Variants in TENM4 observed in about 807,000 individuals in gnomAD.
The protein encoded by TENM4 is teneurin transmembrane protein 4.
A neutral mutation model predicts 243.3 loss-of-function variants in TENM4; 82 were observed. That is an observed-to-expected ratio of 0.34 (90% CI 0.28 to 0.40). The LOEUF (loss-of-function observed/expected upper bound fraction) is 0.40, where lower values mean the gene tolerates loss of function less well. Ranked by LOEUF, TENM4 falls within the 10% of genes least tolerant of loss-of-function variation. The probability of loss-of-function intolerance (pLI) is 1.00; values close to 1 mark genes in which losing one functional copy is unlikely to be tolerated. For missense variants in TENM4, 3,138 were observed against 3,673.3 expected (o/e 0.85, Z 3.77); for synonymous variants, 1,412 against 1,456.3 (o/e 0.97, Z 0.69).
chr11:79,341,236 C>T (rs1384883511), intron 1 of TENM4, among the ~76,000 whole-genome samples: 1 of 152,172 alleles, frequency 6.6e-6, no homozygotes, highest in African/African-American at 2.4e-5. Context: ...TTAGGAGGCA[C>T]TCAGTTTGTG....
At position 79,396,248 on chromosome 11, in the gene TENM4, G is replaced by A. The variant is rs573449994; in HGVS notation, c.-321+44261C>T. Among the ~76,000 whole-genome samples, 4 of 152,198 alleles carry A rather than the reference G, an allele frequency of 2.6e-5. No individual in the cohort carries two copies. The South Asian group carries it at 8.3e-4, about 32-fold the overall frequency. ...TCTTAATATTCTCCCCCACTGTATG[G>A]TCCAATTAGGCATTTTTTAAATTTG... On this transcript the variant is annotated intron_variant, in intron 1 of 33. Coordinates refer to ENST00000278550, the MANE Select transcript of TENM4 (RefSeq NM_001098816.3).
At chr11:78,839,717 T>C (rs1243777750) in intron 12 of TENM4, among the ~76,000 whole-genome samples, 2 of 152,238 alleles carry the variant, frequency 1.3e-5, no homozygotes, top group African/African-American at 4.8e-5. Flanking sequence ...TTCAAACATT[T>C]AACCAGGAAC....
chr11:79,439,653 G>A (rs1047153169), intron 1 of TENM4, among the ~76,000 whole-genome samples: 1 of 118,146 alleles, frequency 8.5e-6, no homozygotes, highest in African/African-American at 3.2e-5. Context: ...CCTCGGTTGC[G>A]TGTGTGTGTC....
At chr11:79,097,353 C>T (rs542439162) in intron 4 of TENM4, 1 of 152,316 alleles carries the variant, frequency 6.6e-6, no homozygotes, top group African/African-American at 2.4e-5. Flanking sequence ...TCGCCAGAGT[C>T]TGTGTCCCTG....
At chr11:79,179,838 G>A (rs924573457) in intron 3 of TENM4, among the ~76,000 whole-genome samples, 1 of 151,690 alleles carries the variant, frequency 6.6e-6, no homozygotes, top group Non-Finnish European at 1.5e-5. Context: ...GCAGAGCTAT[G>A]GGCTTTACAA....
At chr11:79,437,917 A>G (rs1165680462) in intron 1 of TENM4, among the ~76,000 whole-genome samples, 1 of 152,156 alleles carries the variant, frequency 6.6e-6, no homozygotes, top group East Asian at 1.9e-4. Flanking sequence ...GCCGGCTGGC[A>G]CCTGGGGATT....
intron 4 of TENM4, among the ~76,000 whole-genome samples, chr11:79,114,537 A>T (rs1038551380): frequency 6.6e-6 from 1 of 152,226 alleles, no homozygotes; most frequent in African/African-American, 2.4e-5. Context: ...CCTGGTATTT[A>T]CAGCCTGCTA....
intron 1 of TENM4, among the ~76,000 whole-genome samples, chr11:79,310,271 A>G (rs1218257846): frequency 6.6e-6 from 1 of 152,230 alleles, no homozygotes; most frequent in Non-Finnish European, 1.5e-5. Flanking sequence ...CTGCCATGGA[A>G]TAGCTCACCA....
chr11:78,994,117 G>T (rs1257746816), intron 6 of TENM4, among the ~76,000 whole-genome samples: 1 of 152,210 alleles, frequency 6.6e-6, no homozygotes, highest in Non-Finnish European at 1.5e-5. Flanking sequence ...TATTCCTAAA[G>T]CATGGCCTTT....
intron 6 of TENM4, among the ~76,000 whole-genome samples, chr11:78,982,130 G>A (rs1857810453): frequency 2.0e-5 from 3 of 152,160 alleles, no homozygotes; most frequent in Admixed American, 1.3e-4. Context: ...GGCAGGGAGA[G>A]GGTGGCATCC....
At chr11:78,696,048 G>T (rs1319159968) in intron 28 of TENM4, among the ~76,000 whole-genome samples, 2 of 151,874 alleles carry the variant, frequency 1.3e-5, no homozygotes, top group Admixed American at 1.3e-4. Flanking sequence ...TTGTCCCACA[G>T]ATCTTGAATG....
At chr11:78,931,780 C>A (rs1007868743) in intron 6 of TENM4, among the ~76,000 whole-genome samples, 1 of 152,166 alleles carries the variant, frequency 6.6e-6, no homozygotes. Flanking sequence ...GAATTCAATT[C>A]TTTAGTGACC....
At chr11:78,913,080 A>G (rs140518243) in intron 6 of TENM4, among the ~76,000 whole-genome samples, 3 of 152,356 alleles carry the variant, frequency 2.0e-5, no homozygotes, top group Admixed American at 2.0e-4. Context: ...TGTACTTGTT[A>G]ATGAACATCT....
chr11:78,811,604 G>A (rs932607227), intron 14 of TENM4, among the ~76,000 whole-genome samples: 6 of 141,856 alleles, frequency 4.2e-5, no homozygotes, highest in Non-Finnish European at 7.5e-5. Context: ...ACACACACAC[G>A]AGTGTGATAA....
At chr11:78,917,619 C>T (rs1856346692) in intron 6 of TENM4, among the ~76,000 whole-genome samples, 1 of 152,088 alleles carries the variant, frequency 6.6e-6, no homozygotes, top group Admixed American at 6.6e-5. Context: ...CTCCAAAGTG[C>T]CCAGCTCAAT....
At chr11:79,335,851 T>A (rs1857139187) in intron 1 of TENM4, among the ~76,000 whole-genome samples, 4 of 152,282 alleles carry the variant, frequency 2.6e-5, no homozygotes, top group Middle Eastern at 6.8e-3. Flanking sequence ...AGAGGTTGCC[T>A]AGGGGTCTCA....
chr11:78,658,796 A>G lies in TENM4; in HGVS notation c.7572T>C (p.Cys2524=), dbSNP rs767499352. ...DNSKSILGVQ[C]EVQKQLKAFV... is the part of the protein sequence containing the mutation. ...AGGCCTTGAGCTGCTTCTGTACTTC[A>G]CACTGTACCCCGAGGATAGACTGAT... The change falls in exon 34 of 34, where the codon TGT becomes TGC. Residue 2524 remains cysteine (C), a synonymous_variant. Coordinates refer to ENST00000278550, the MANE Select transcript of TENM4 (RefSeq NM_001098816.3). 13 of 1,613,002 alleles carry G rather than the reference A, an allele frequency of 8.1e-6. No homozygotes were observed. In the East Asian group the frequency reaches 2.9e-4, roughly 36 times the overall value.
intron 3 of TENM4, among the ~76,000 whole-genome samples, chr11:79,189,590 T>C (rs1027416940): frequency 1.3e-5 from 2 of 152,372 alleles, no homozygotes; most frequent in East Asian, 1.9e-4. Flanking sequence ...CATTTAGCAC[T>C]ACTCTCTCTC....
rs550177440 is a variant in TENM4, at chr11:78,658,737, C to T, written c.7631G>A (p.Gly2544Asp). 30 of 1,613,986 alleles carry T rather than the reference C, an allele frequency of 1.9e-5. No homozygotes were observed. Among genetic ancestry groups the T allele is most frequent in the Middle Eastern group, 3.3e-4 (2 of 6,060 alleles). ...CTGCTGGCAGCTGGTGATTGTGGAG[C>T]CATAGAGCTGGTCAAACCGTTCTAA... Reference protein sequence around the residue: ...VTLERFDQLYGSTITSCQQAP... With the variant: ...VTLERFDQLYDSTITSCQQAP... Residue 2544 changes from glycine (G) to aspartate (D), a missense_variant, in exon 34 of 34, where the codon GGC becomes GAC. Physicochemically the swap from Gly to Asp is moderately conservative, Grantham distance 94 (BLOSUM62 -1). Around this residue, in one of 2 missense-constraint regions of TENM4, gnomAD observed 2,467 missense variants for 3,059.1 expected, o/e 0.81. Coordinates refer to ENST00000278550, the MANE Select transcript of TENM4 (RefSeq NM_001098816.3).
Sources: allele counts gnomAD v4.1 joint callset (sites outside exome capture counted in the v4.1 genomes callset), GRCh38; gene constraint gnomAD v4.1.1; regional missense constraint gnomAD v4.1.1; transcripts MANE v1.5; gene names NCBI Gene and HGNC (gene_info 2026-07-23, HGNC 2026-07-21).